PTRH1: variants seen among roughly 807,000 people sequenced by gnomAD.
PTRH1 encodes the protein peptidyl-tRNA hydrolase.
Under a neutral mutation model 15.7 loss-of-function variants are expected in PTRH1, and 13 were observed. That is an observed-to-expected ratio of 0.83 (90% CI 0.54 to 1.31). PTRH1 has a LOEUF of 1.31. Among genes scored for constraint, PTRH1 ranks in the 40% most tolerant of loss-of-function variants. The pLI is 0.00. For synonymous variants in PTRH1, 139 were observed against 136.7 expected, an observed-to-expected ratio of 1.02 and a Z score of -0.12; for missense variants, 319 against 296.2, an observed-to-expected ratio of 1.08 and a Z score of -0.56.
chr9:127,714,533 A>G, intron 3 of PTRH1, 70 bp downstream of exon 3: 1 of 1,590,418 alleles, frequency 6.3e-7, no homozygotes, highest in Admixed American at 1.7e-5. Context: ...AGACTGGGTC[A>G]GCAGCCCTAC....
intron 2 of PTRH1, 36 bp downstream of exon 2, chr9:127,714,937 CTT>C: frequency 3.1e-6 from 2 of 636,894 alleles, no homozygotes; most frequent in Non-Finnish European, 2.7e-6. Flanking sequence ...CCCCCACCCC[CTT>C]GGCCCGCCCG....
At chr9:127,710,577 G>A (rs754330945), downstream of PTRH1, 4 of 1,565,964 alleles carry the variant, frequency 2.6e-6, no homozygotes, top group East Asian at 2.4e-5. Flanking sequence ...CCCATCATTG[G>A]GCCTTGTGCG....
intron 2 of PTRH1, 87 bp from the exon 3 acceptor site, chr9:127,714,789 A>T: frequency 1.7e-6 from 2 of 1,201,986 alleles, no homozygotes; most frequent in Admixed American, 4.0e-5. Context: ...GACCACAACT[A>T]ATCCCACTTC....
intron 1 of PTRH1, among the ~76,000 whole-genome samples, chr9:127,696,365 C>T (rs187565577): frequency 1.0e-3 from 154 of 152,266 alleles, no homozygotes; most frequent in Non-Finnish European, 1.5e-3. Context: ...TTATTATGTG[C>T]CAGGCACTGA....
intron 1 of PTRH1, among the ~76,000 whole-genome samples, chr9:127,698,660 G>C (rs10987722): frequency 1.3e-5 from 2 of 152,192 alleles, no homozygotes; most frequent in Non-Finnish European, 2.9e-5. Context: ...CTGGGCAACA[G>C]AGTGAGACCC....
At chr9:127,709,752 C>G, downstream of PTRH1, 1 of 1,548,370 alleles carries the variant, frequency 6.5e-7, no homozygotes, top group Non-Finnish European at 8.8e-7. The surrounding 1 kb of genome is among the most constrained non-coding windows in gnomAD (Gnocchi z 4.7). Flanking sequence ...ATCACTGACC[C>G]TGTTTCTCAC....
chr9:127,699,664 C>T (rs1194067922), intron 1 of PTRH1, among the ~76,000 whole-genome samples: 1 of 151,638 alleles, frequency 6.6e-6, no homozygotes, highest in East Asian at 1.9e-4. Context: ...CATGTGATAC[C>T]CTAAAGTAGG....
chr9:127,704,074 C>T (rs1356812848), intron 1 of PTRH1, among the ~76,000 whole-genome samples: 1 of 152,232 alleles, frequency 6.6e-6, no homozygotes, highest in Non-Finnish European at 1.5e-5. Flanking sequence ...TAGAGCATAA[C>T]ACCCCAGGTA....
chr9:127,706,516 A>T (rs1264821377), intron 1 of PTRH1, among the ~76,000 whole-genome samples: 1 of 152,164 alleles, frequency 6.6e-6, no homozygotes, highest in African/African-American at 2.4e-5. Flanking sequence ...GCAGGCACAC[A>T]GGCATGGCTG....
chr9:127,712,266 G>A, downstream of PTRH1: 2 of 1,614,054 alleles, frequency 1.2e-6, no homozygotes, highest in East Asian at 4.5e-5. Flanking sequence ...GCTACAGCAG[G>A]AACTGGCTAA....
chr9:127,700,894 A>G (rs561146714), intron 1 of PTRH1, among the ~76,000 whole-genome samples: 17 of 152,258 alleles, frequency 1.1e-4, no homozygotes, highest in Non-Finnish European at 2.2e-4. Context: ...TAAGAAGACT[A>G]TGAACTGGCT....
chr9:127,708,334 G>T (rs112210407), intron 1 of PTRH1, among the ~76,000 whole-genome samples: 5,916 of 152,132 alleles, frequency 0.039, 175 homozygotes, highest in Non-Finnish European at 0.06. Context: ...AAAATTAGCT[G>T]GGCATGGTGG....
chr9:127,704,160 C>T (rs1400932652), intron 1 of PTRH1, among the ~76,000 whole-genome samples: 2 of 152,112 alleles, frequency 1.3e-5, no homozygotes, highest in Non-Finnish European at 2.9e-5. Flanking sequence ...TGTTACTTTT[C>T]ACACCAATTC....
chr9:127,713,006 C>T (rs960997152), downstream of PTRH1: 2 of 1,610,378 alleles, frequency 1.2e-6, no homozygotes, highest in South Asian at 1.1e-5. Context: ...TGACCCTCGG[C>T]CCCCTCCCCA....
chr9:127,698,392 A>C (rs1448344014), intron 1 of PTRH1, among the ~76,000 whole-genome samples: 2 of 152,228 alleles, frequency 1.3e-5, no homozygotes, highest in Non-Finnish European at 2.9e-5. Context: ...GGCTACTAGA[A>C]AAACGAAAAA....
Position 127,714,012 on chromosome 9 carries a change from A to C in PTRH1, c.*88T>G. ...CAGTCTAGAGGAGATTTGTATAAAA[A>C]GTAGATACCAAGGCTGGCGTGGCAG... On this transcript the variant is annotated 3_prime_UTR_variant, in exon 5 of 5. Transcript: ENST00000543175. The C allele has an allele frequency of 6.3e-7, 1 of 1,582,692 alleles. No individual in the cohort carries two copies. Among genetic ancestry groups the C allele is most frequent in the Non-Finnish European group, 8.7e-7 (1 of 1,153,572 alleles).
chr9:127,711,557 G>A (rs1588393252), downstream of PTRH1: 1 of 1,569,670 alleles, frequency 6.4e-7, no homozygotes, highest in Admixed American at 1.8e-5. Context: ...CGCCCTGGGG[G>A]CCCTGCAGGG....
In PTRH1 at chr9:127,694,998, C is replaced by T. The variant is rs148998165; in HGVS notation, c.349G>A (p.Gly117Arg). 3.4e-3 allele frequency: 2,391 copies of T among 702,632 alleles called. 27 individuals carry two copies. The highest frequency in any genetic ancestry group is 0.019 in the South Asian group (1,252 of 67,550). The allele number at this position is 702,632 out of a possible 1,614,324, so 43.5% of individuals were successfully genotyped here. Residue 117 changes from glycine to arginine, a missense_variant, in exon 2 of 3, where the codon GGG becomes AGG. By Grantham distance (125) the Gly-to-Arg change is moderately radical. Transcript: ENST00000335223. ...TGACTTTGTTCCCTCCTGTAGTGCC[C>T]GTGGAGGCGGGAAGCTGAGCCCGGC... is the stretch of plus-strand genomic sequence containing the variant.
Position 127,715,010 on chromosome 9 carries a change from A to C in PTRH1, c.281T>G (p.Leu94Arg). The change falls in exon 2 of 5, where the codon CTT becomes CGT. Residue 94 changes from leucine to arginine, a missense_variant. Transcript: ENST00000543175. The surrounding 1 kb of genome is among the most constrained non-coding windows in gnomAD (Gnocchi z 5.8). ...CACGCTGCGCCCGTTGGCGTTCATA[A>C]GCCGCCGTGGCCGGAGCAGGACCAG... ...AQLVLLRPRR[L>R]MNANGRSVAR... The C allele has an allele frequency of 6.8e-7, 1 of 1,468,660 alleles. No individual in the cohort carries two copies. The highest frequency in any genetic ancestry group is 2.6e-5 in the East Asian group (1 of 37,848). 91.0% of individuals were successfully genotyped at this position (1,468,660 alleles called of 1,614,324 possible).
Sources: allele counts gnomAD v4.1 joint callset (sites outside exome capture counted in the v4.1 genomes callset), GRCh38; gene constraint gnomAD v4.1.1; non-coding constraint Gnocchi (gnomAD v3.1); transcripts MANE v1.5; gene names NCBI Gene and HGNC (gene_info 2026-07-23, HGNC 2026-07-21).